Variants in EDIL3 observed in about 807,000 individuals in gnomAD.
The protein encoded by EDIL3 is EGF like and discoidin domains 3, also known as EGF-like repeat and discoidin I-like domain-containing protein 3.
A neutral mutation model predicts 67.4 loss-of-function variants in EDIL3; 37 were observed. That is an observed-to-expected ratio of 0.55 (90% CI 0.42 to 0.72). EDIL3 has a LOEUF of 0.72. Among genes scored for constraint, EDIL3 ranks in the 30% least tolerant of loss-of-function variants. EDIL3 has a pLI of 0.00. For missense variants in EDIL3, 527 were observed against 586.3 expected (o/e 0.90, Z 1.04); for synonymous variants, 195 against 196.3 (o/e 0.99, Z 0.05).
chr5:84,253,458 G>A (rs574576618), intron 2 of EDIL3, among the ~76,000 whole-genome samples: 5 of 152,150 alleles, frequency 3.3e-5, no homozygotes, highest in African/African-American at 1.2e-4. Flanking sequence ...CCTTAATGGG[G>A]ACCTATGTGG....
intron 1 of EDIL3, among the ~76,000 whole-genome samples, chr5:84,313,782 T>C (rs893199329): frequency 6.6e-6 from 1 of 152,160 alleles, no homozygotes; most frequent in Non-Finnish European, 1.5e-5. Context: ...TTCTTAAAGC[T>C]CCCAGGTAAT....
intron 2 of EDIL3, among the ~76,000 whole-genome samples, chr5:84,248,784 C>T (rs1344335426): frequency 2.0e-5 from 3 of 152,110 alleles, no homozygotes; most frequent in Non-Finnish European, 2.9e-5. Flanking sequence ...TTTCTTCATA[C>T]CCCATAAATA....
chr5:84,183,452 G>T (rs1749049695), intron 3 of EDIL3, among the ~76,000 whole-genome samples: 1 of 151,402 alleles, frequency 6.6e-6, no homozygotes, highest in Non-Finnish European at 1.5e-5. Context: ...AACCGCTAAA[G>T]AAAAAAATAT....
At chr5:84,291,523 A>T (rs1745914222) in intron 1 of EDIL3, among the ~76,000 whole-genome samples, 1 of 151,918 alleles carries the variant, frequency 6.6e-6, no homozygotes, top group Non-Finnish European at 1.5e-5. Flanking sequence ...AAAGAAAAGC[A>T]ATGTAAATAA....
chr5:84,051,377 T>G (rs971283389), intron 9 of EDIL3, among the ~76,000 whole-genome samples: 11 of 151,720 alleles, frequency 7.3e-5, no homozygotes, highest in Admixed American at 3.3e-4. Context: ...AATAGAAAAA[T>G]TGAAAATTCT....
At chr5:84,262,659 G>GTTTTGTTTTTTT (rs1745250965) in intron 1 of EDIL3, among the ~76,000 whole-genome samples, 2 of 46,310 alleles carry the variant, frequency 4.3e-5, no homozygotes, top group Non-Finnish European at 7.2e-5. Flanking sequence ...AGGTTGGTTG[G>GTTTTGTTTTTTT]TTTTTTTTTT....
intron 9 of EDIL3, among the ~76,000 whole-genome samples, chr5:84,010,553 T>C (rs1291959309): frequency 6.6e-6 from 1 of 152,154 alleles, no homozygotes; most frequent in Non-Finnish European, 1.5e-5. Context: ...TTTATAAATG[T>C]AAGGTACAGT....
chr5:84,301,067 C>A (rs1387671820), intron 1 of EDIL3, among the ~76,000 whole-genome samples: 1 of 152,016 alleles, frequency 6.6e-6, no homozygotes, highest in Non-Finnish European at 1.5e-5. Flanking sequence ...GTCGAGAGTT[C>A]AAGACCAGCC....
chr5:84,031,303 A>T (rs1204737311), intron 9 of EDIL3, among the ~76,000 whole-genome samples: 1 of 152,230 alleles, frequency 6.6e-6, no homozygotes, highest in Non-Finnish European at 1.5e-5. Context: ...AATATGAAAT[A>T]AGTAATTGTT....
intron 1 of EDIL3, among the ~76,000 whole-genome samples, chr5:84,364,388 G>C (rs181377908): frequency 1.1e-4 from 17 of 152,246 alleles, no homozygotes; most frequent in Non-Finnish European, 2.4e-4. Flanking sequence ...ATATTGCTTT[G>C]GAAATTGTTA....
chr5:83,971,534 T>C (rs575302473), intron 9 of EDIL3, among the ~76,000 whole-genome samples: 58 of 152,170 alleles, frequency 3.8e-4, no homozygotes, highest in Non-Finnish European at 7.1e-4. Flanking sequence ...TCCAAAAATA[T>C]TTTTATATAT....
chr5:84,382,722 G>T (rs1748110541), intron 1 of EDIL3, among the ~76,000 whole-genome samples: 1 of 152,164 alleles, frequency 6.6e-6, no homozygotes, highest in African/African-American at 2.4e-5. Context: ...TATATCGCTG[G>T]AGACTCGGCC....
chr5:84,383,980 G>A (rs904597177), intron 1 of EDIL3, among the ~76,000 whole-genome samples: 18 of 152,114 alleles, frequency 1.2e-4, no homozygotes, highest in African/African-American at 4.1e-4. Flanking sequence ...CACTGCCTAG[G>A]GAGGGTTTGC....
At chr5:84,151,441 TG>T (rs1364939061) in intron 4 of EDIL3, among the ~76,000 whole-genome samples, 1 of 152,112 alleles carries the variant, frequency 6.6e-6, no homozygotes, top group Non-Finnish European at 1.5e-5. Context: ...GCAGGTCTTA[TG>T]GGAGAGACTG....
At position 83,963,179 on chromosome 5, in the gene EDIL3, T is replaced by A. The variant is rs374374243; in HGVS notation, c.1293+26A>T. ...GTAATTTGATCCTCCACTTCTGAAC[T>A]TTATAAACCGATTTGGCTGACTTAC... On this transcript the variant is annotated intron_variant, in intron 10 of 10. Coordinates refer to ENST00000296591, the MANE Select transcript of EDIL3 (RefSeq NM_005711.5). 4 of 1,579,360 alleles carry A rather than the reference T, an allele frequency of 2.5e-6. No individual in the cohort carries two copies. In the African/African-American group the frequency reaches 5.5e-5, roughly 22 times the overall value.
intron 3 of EDIL3, among the ~76,000 whole-genome samples, chr5:84,201,240 G>C (rs937045477): frequency 6.6e-6 from 1 of 152,000 alleles, no homozygotes; most frequent in East Asian, 1.9e-4. Context: ...TCAATTTCTT[G>C]TAAACAAGCT....
At chr5:84,122,004 A>G (rs560612597) in intron 5 of EDIL3, among the ~76,000 whole-genome samples, 1 of 152,074 alleles carries the variant, frequency 6.6e-6, no homozygotes, top group Non-Finnish European at 1.5e-5. Context: ...AACATCATTG[A>G]TCAATTTAAT....
intron 5 of EDIL3, among the ~76,000 whole-genome samples, chr5:84,108,022 C>T (rs1047934544): frequency 6.6e-5 from 10 of 151,172 alleles, no homozygotes; most frequent in Non-Finnish European, 1.5e-4. Context: ...TTCATTGCTA[C>T]TACTAAATAT....
intron 9 of EDIL3, among the ~76,000 whole-genome samples, chr5:84,020,659 T>A (rs1039286690): frequency 6.6e-6 from 1 of 151,954 alleles, no homozygotes; most frequent in East Asian, 1.9e-4. Context: ...TGAGATCTAT[T>A]TTAGTGATTT....
Sources: gnomAD v4.1 joint callset for allele counts (sites outside exome capture counted in the v4.1 genomes callset) on GRCh38, gnomAD v4.1.1 for gene constraint, MANE v1.5 for transcripts, NCBI Gene and HGNC (gene_info 2026-07-23, HGNC 2026-07-21) for gene names.